CPLX2: variants seen among roughly 807,000 people sequenced by gnomAD.
CPLX2 encodes complexin-2.
A neutral mutation model predicts 16.3 loss-of-function variants in CPLX2; 5 were observed. The ratio of observed to expected loss-of-function variants is 0.31; its 90% CI spans 0.16 to 0.64. CPLX2 has a LOEUF of 0.64. Ranked by LOEUF, CPLX2 falls within the 30% of genes least tolerant of loss-of-function variation. CPLX2 has a pLI of 0.79. For synonymous variants in CPLX2, 89 were observed against 73.2 expected, an observed-to-expected ratio of 1.22 and a Z score of -1.10; for missense variants, 144 against 181.4, an observed-to-expected ratio of 0.79 and a Z score of 1.18.
chr5:175,818,109 C>T lies in CPLX2; in HGVS notation c.-89+9041C>T, dbSNP rs143882948. Reference sequence around the variant, plus strand: ...GAGTGGGCAGGCATGTAGATGATAACATGGAAACCATTTGAGTATTGCTGA... The same window carrying T: ...GAGTGGGCAGGCATGTAGATGATAATATGGAAACCATTTGAGTATTGCTGA... On this transcript the variant is annotated intron_variant, in intron 2 of 4. Transcript: ENST00000359546. Among the ~76,000 whole-genome samples the T allele has an allele frequency of 4.4e-3, 663 of 152,234 alleles. 3 individuals are homozygous for T. The highest frequency in any genetic ancestry group is 0.015 in the African/African-American group (631 of 41,522).
intron 2 of CPLX2, among the ~76,000 whole-genome samples, chr5:175,860,465 AG>A (rs1250328366): frequency 2.7e-5 from 4 of 146,718 alleles, no homozygotes; most frequent in African/African-American, 7.8e-5. Context: ...AGAAAGAAAG[AG>A]AGAGAGAGAA....
At chr5:175,817,094 T>C (rs4242187) in intron 2 of CPLX2, among the ~76,000 whole-genome samples, 105,670 of 152,170 alleles carry the variant, frequency 0.69, 37,005 homozygotes, top group East Asian at 0.91. Flanking sequence ...CCATGGCCGA[T>C]AGCAAGTCAG....
intron 2 of CPLX2, among the ~76,000 whole-genome samples, chr5:175,836,761 A>G (rs1481058232): frequency 6.6e-6 from 1 of 152,238 alleles, no homozygotes; most frequent in Non-Finnish European, 1.5e-5. Context: ...TAAAAACAGT[A>G]GTAATCATTC....
rs541352116 is a variant in CPLX2, at chr5:175,851,974, G to T, written c.-88-26678G>T. On this transcript the variant is annotated intron_variant, in intron 2 of 4. Transcript: ENST00000359546. ...CCCTGGGACGGGCTATTTCTGCACC[G>T]TGTTTCTTTTTTCTACACAGGGGGC... 5.2e-4 allele frequency among the ~76,000 whole-genome samples: 79 copies of T among 152,304 alleles called. 1 individual carries two copies. The highest frequency in any genetic ancestry group is 1.9e-3 in the African/African-American group (79 of 41,560).
intron 2 of CPLX2, among the ~76,000 whole-genome samples, chr5:175,843,469 CACACA>C (rs1402516765): frequency 3.3e-5 from 5 of 152,262 alleles, no homozygotes; most frequent in Non-Finnish European, 5.9e-5. Flanking sequence ...TGTCATGTTG[CACACA>C]ACACATGCTC....
At chr5:175,870,625 C>G (rs1277814541), upstream of CPLX2, among the ~76,000 whole-genome samples, 5 of 151,684 alleles carry the variant, frequency 3.3e-5, no homozygotes, top group Admixed American at 3.3e-4. Context: ...TAAAACAAAA[C>G]AAAACAAAAC....
intron 2 of CPLX2, among the ~76,000 whole-genome samples, chr5:175,810,460 G>A (rs1048687773): frequency 3.3e-5 from 5 of 152,178 alleles, no homozygotes; most frequent in Admixed American, 2.0e-4. Flanking sequence ...ATGTCACTGA[G>A]CACTTGCACC....
Position 175,814,150 on chromosome 5 carries a change from G to T in CPLX2, c.-89+5082G>T, listed in dbSNP as rs12520557. On this transcript the variant is annotated intron_variant, in intron 2 of 4. Coordinates refer to the CPLX2 transcript ENST00000359546. ...GAGTCACCTGGCAAAGGTGTTGCAAGGGCTTCCATGGCTCCAGAGCCCATG... is the reference window on the plus strand; with the variant it reads ...GAGTCACCTGGCAAAGGTGTTGCAATGGCTTCCATGGCTCCAGAGCCCATG... Among the ~76,000 whole-genome samples, 5 of 152,128 alleles carry T rather than the reference G, an allele frequency of 3.3e-5. No individual in the cohort carries two copies. In the East Asian group the frequency reaches 5.8e-4, roughly 18 times the overall value.
At chr5:175,804,984 A>G (rs1287360418) in intron 1 of CPLX2, among the ~76,000 whole-genome samples, 1 of 152,192 alleles carries the variant, frequency 6.6e-6, no homozygotes, top group Non-Finnish European at 1.5e-5. Flanking sequence ...TTTTGTTCAC[A>G]TGTAAAATGG....
rs966786165 is a variant in CPLX2, at chr5:175,882,815, T to C, written c.*2770T>C. On this transcript the variant is annotated 3_prime_UTR_variant, in exon 4 of 4. Transcript: ENST00000393745. ...GGAACACAATGACTATCATTACTGATGCAGACCTGGCTGTGGAGAGCAGCT... is the reference window on the plus strand; with the variant it reads ...GGAACACAATGACTATCATTACTGACGCAGACCTGGCTGTGGAGAGCAGCT... The C allele has an allele frequency of 1.3e-5, 2 of 152,606 alleles. No individual in the cohort carries two copies. Among genetic ancestry groups the C allele is most frequent in the Non-Finnish European group, 2.9e-5 (2 of 68,134 alleles). The allele number at this position is 152,606 out of a possible 1,614,324, so 9.5% of individuals were successfully genotyped here.
At chr5:175,873,683 A>C (rs1031761198) in intron 1 of CPLX2, among the ~76,000 whole-genome samples, 9 of 152,288 alleles carry the variant, frequency 5.9e-5, no homozygotes, top group Middle Eastern at 3.4e-3. Flanking sequence ...AATGCTGCTG[A>C]TGATGATAAT....
At position 175,830,154 on chromosome 5, in the gene CPLX2, T is replaced by C. The variant is rs1758705954; in HGVS notation, c.-89+21086T>C. On this transcript the variant is annotated intron_variant, in intron 2 of 4. Transcript: ENST00000359546. This position sits in a 1 kb window ranked among gnomAD's most constrained non-coding sequence, Gnocchi z 4.0. ...AAGCAGTGAGAGCTGGAAGGGCACATGAAGGGCAGTGTGGGCAGAGGGACA... is the reference window on the plus strand; with the variant it reads ...AAGCAGTGAGAGCTGGAAGGGCACACGAAGGGCAGTGTGGGCAGAGGGACA... Among the ~76,000 whole-genome samples the C allele has an allele frequency of 6.6e-6, 1 of 152,120 alleles. No individual in the cohort carries two copies. The highest frequency in any genetic ancestry group is 1.5e-5 in the Non-Finnish European group (1 of 68,008).
At chr5:175,836,940 T>G (rs1036645022) in intron 2 of CPLX2, among the ~76,000 whole-genome samples, 5 of 152,310 alleles carry the variant, frequency 3.3e-5, no homozygotes, top group Non-Finnish European at 5.9e-5. Context: ...GCCGAAGCTG[T>G]GTTCAGTTCA....
intron 2 of CPLX2, among the ~76,000 whole-genome samples, chr5:175,855,749 G>A (rs754287869): frequency 2.0e-5 from 3 of 152,128 alleles, no homozygotes; most frequent in Non-Finnish European, 4.4e-5. Flanking sequence ...GGACCATCTT[G>A]GATCACATGT....
At chr5:175,856,903 A>G (rs758684217) in intron 2 of CPLX2, among the ~76,000 whole-genome samples, 3 of 152,146 alleles carry the variant, frequency 2.0e-5, no homozygotes, top group Non-Finnish European at 4.4e-5. Context: ...TGAGGAAGGA[A>G]CTTGCCTGGA....
intron 2 of CPLX2, among the ~76,000 whole-genome samples, chr5:175,816,949 A>G (rs751046978): frequency 7.9e-5 from 12 of 152,246 alleles, no homozygotes; most frequent in Non-Finnish European, 1.8e-4. Flanking sequence ...GTTCAGAAAG[A>G]AATTGCCACC....
At chr5:175,802,252 G>A (rs576032045) in intron 1 of CPLX2, among the ~76,000 whole-genome samples, 55 of 152,276 alleles carry the variant, frequency 3.6e-4, no homozygotes, top group African/African-American at 1.2e-3. Context: ...AGGTGTTGAC[G>A]TGGGGTCTCA....
At position 175,849,411 on chromosome 5, in the gene CPLX2, A is replaced by G. The variant is rs997825129; in HGVS notation, c.-88-29241A>G. ...AAAGAACCAGAATCTTCCTTAGGCC[A>G]AGAAACATGGACCCCTCATCTCATA... On this transcript the variant is annotated intron_variant, in intron 2 of 4. Coordinates refer to the CPLX2 transcript ENST00000359546. The surrounding 1 kb of genome is among the most constrained non-coding windows in gnomAD (Gnocchi z 4.4). Among the ~76,000 whole-genome samples the G allele has an allele frequency of 2.0e-5, 3 of 152,194 alleles. No homozygotes were observed. Among genetic ancestry groups the G allele is most frequent in the East Asian group, 1.9e-4 (1 of 5,186 alleles).
chr5:175,868,148 G>A (rs569916457), upstream of CPLX2, among the ~76,000 whole-genome samples: 5 of 152,176 alleles, frequency 3.3e-5, no homozygotes, highest in Non-Finnish European at 5.9e-5. Flanking sequence ...ACCAGCCAGC[G>A]AGCTCCAGAT....
Sources: allele counts gnomAD v4.1 joint callset (sites outside exome capture counted in the v4.1 genomes callset), GRCh38; gene constraint gnomAD v4.1.1; non-coding constraint Gnocchi (gnomAD v3.1); transcripts MANE v1.5; gene names NCBI Gene and HGNC (gene_info 2026-07-23, HGNC 2026-07-21).